The following CTIF variants were observed in gnomAD, a reference collection of about 807,000 sequenced individuals.
CTIF encodes cap binding complex dependent translation initiation factor.
In CTIF, 21 loss-of-function variants were observed where a neutral mutation model predicts 66.0. The ratio of observed to expected loss-of-function variants is 0.32; its 90% CI spans 0.23 to 0.46. CTIF has a LOEUF of 0.46. Ranked by LOEUF, CTIF falls within the 20% of genes least tolerant of loss-of-function variation. The pLI, the probability that CTIF is intolerant of heterozygous loss-of-function variation, is 1.00. For missense variants in CTIF, 739 were observed against 812.7 expected (o/e 0.91, Z 1.10); for synonymous variants, 345 against 326.4 (o/e 1.06, Z -0.62).
At chr18:48,579,586 C>G (rs565668428) in intron 1 of CTIF, among the ~76,000 whole-genome samples, 1 of 152,294 alleles carries the variant, frequency 6.6e-6, no homozygotes, top group East Asian at 1.9e-4. Flanking sequence ...TTTCTTCCCC[C>G]CAAGCCCACA....
intron 1 of CTIF, among the ~76,000 whole-genome samples, chr18:48,585,845 A>C (rs1028218046): frequency 2.0e-5 from 3 of 152,164 alleles, no homozygotes; most frequent in Non-Finnish European, 4.4e-5. Flanking sequence ...CACGCCTGCT[A>C]CTCACAGATG....
At chr18:48,730,511 T>TCC (rs2092439577) in intron 7 of CTIF, among the ~76,000 whole-genome samples, 1 of 55,670 alleles carries the variant, frequency 1.8e-5, no homozygotes, top group African/African-American at 7.6e-5. Context: ...TGTGAGGGGC[T>TCC]TCTGCGGTGT....
chr18:48,589,654 C>T (rs780070699), intron 1 of CTIF, among the ~76,000 whole-genome samples: 1 of 152,174 alleles, frequency 6.6e-6, no homozygotes, highest in Non-Finnish European at 1.5e-5. Context: ...CACACTGGTT[C>T]ACCTTGTGGG....
intron 10 of CTIF, among the ~76,000 whole-genome samples, chr18:48,849,820 G>A (rs956596123): frequency 4.6e-5 from 7 of 152,014 alleles, no homozygotes; most frequent in East Asian, 1.9e-4. Flanking sequence ...TCTTGACATC[G>A]TGATCCACCC....
rs191508928 is a variant in CTIF at position 48,550,099 on chromosome 18, G to C, written c.-29+10787G>C. Among the ~76,000 whole-genome samples the C allele has an allele frequency of 3.7e-3, 568 of 152,292 alleles. 4 individuals are homozygous for C. Among genetic ancestry groups the C allele is most frequent in the Non-Finnish European group, 6.8e-3 (462 of 68,030 alleles). On this transcript the variant is annotated intron_variant, in intron 1 of 11. Coordinates refer to ENST00000256413, the MANE Select transcript of CTIF (RefSeq NM_014772.3). Reference sequence around the variant, plus strand: ...ACTTCTTAAGCCACAGGTAATGCTGGTGCATAGGATCCCAGGTGTTCCATG... The same window carrying C: ...ACTTCTTAAGCCACAGGTAATGCTGCTGCATAGGATCCCAGGTGTTCCATG...
At chr18:48,732,551 A>G (rs2092465771) in intron 7 of CTIF, among the ~76,000 whole-genome samples, 1 of 152,188 alleles carries the variant, frequency 6.6e-6, no homozygotes, top group Non-Finnish European at 1.5e-5. Flanking sequence ...GTCCCCTTCT[A>G]TGGGAGCCAC....
chr18:48,676,805 A>G (rs2091637898), intron 6 of CTIF, among the ~76,000 whole-genome samples: 1 of 151,708 alleles, frequency 6.6e-6, no homozygotes, highest in Non-Finnish European at 1.5e-5. Flanking sequence ...CTGGATGATA[A>G]CAGAGAGATC....
At chr18:48,741,290 C>T (rs2092551913) in intron 7 of CTIF, among the ~76,000 whole-genome samples, 1 of 140,766 alleles carries the variant, frequency 7.1e-6, no homozygotes, top group South Asian at 2.5e-4. Context: ...GCCCCCCCTC[C>T]TTGGTACATG....
At chr18:48,679,522 GCTC>G (rs1175059956) in intron 6 of CTIF, among the ~76,000 whole-genome samples, 4 of 152,170 alleles carry the variant, frequency 2.6e-5, no homozygotes, top group African/African-American at 9.7e-5. Context: ...GCTTTCCCCA[GCTC>G]CTCCTGAGAC....
intron 1 of CTIF, among the ~76,000 whole-genome samples, chr18:48,584,837 C>A (rs1264832514): frequency 6.6e-6 from 1 of 152,254 alleles, no homozygotes; most frequent in Non-Finnish European, 1.5e-5. Flanking sequence ...AGTGTATTAT[C>A]AGTACTTTAC....
At chr18:48,795,229 G>GCCTCATCAGAGCCTCATC (rs1303208469) in intron 9 of CTIF, among the ~76,000 whole-genome samples, 29 of 152,280 alleles carry the variant, frequency 1.9e-4, no homozygotes, top group African/African-American at 6.5e-4. Flanking sequence ...TCAGAGCATG[G>GCCTCATCAGAGCCTCATC]AGGCTGTCAT....
intron 6 of CTIF, among the ~76,000 whole-genome samples, chr18:48,697,756 T>G (rs1280052608): frequency 6.6e-6 from 1 of 152,076 alleles, no homozygotes; most frequent in Non-Finnish European, 1.5e-5. Flanking sequence ...TTGCTGAAGC[T>G]TTTCCTCTGG....
intron 2 of CTIF, among the ~76,000 whole-genome samples, chr18:48,627,841 C>G (rs1009918227): frequency 5.9e-5 from 9 of 151,934 alleles, no homozygotes; most frequent in African/African-American, 1.9e-4. Flanking sequence ...AGAGTGAGGC[C>G]ACCTGGGAAA....
At chr18:48,772,210 G>A (rs1910210980) in intron 9 of CTIF, among the ~76,000 whole-genome samples, 1 of 152,208 alleles carries the variant, frequency 6.6e-6, no homozygotes, top group Non-Finnish European at 1.5e-5. Context: ...ATTATAGCAA[G>A]AAGAGAGCTA....
intron 9 of CTIF, among the ~76,000 whole-genome samples, chr18:48,785,928 C>A (rs74392300): frequency 0.014 from 2,120 of 152,268 alleles, 42 homozygotes; most frequent in African/African-American, 0.049. Context: ...CTGCCCCCAC[C>A]CATTTGGCTG....
chr18:48,701,683 T>G (rs753778333), intron 6 of CTIF, among the ~76,000 whole-genome samples: 1 of 152,216 alleles, frequency 6.6e-6, no homozygotes, highest in Non-Finnish European at 1.5e-5. Context: ...CTTCTAACAC[T>G]TCCCTGTTGG....
intron 3 of CTIF, among the ~76,000 whole-genome samples, chr18:48,655,064 T>C (rs2091222920): frequency 6.6e-6 from 1 of 151,966 alleles, no homozygotes; most frequent in African/African-American, 2.4e-5. Context: ...ATGGCACATG[T>C]ATACCTATAT....
intron 3 of CTIF, among the ~76,000 whole-genome samples, chr18:48,650,094 G>A (rs1003467110): frequency 4.6e-5 from 7 of 152,202 alleles, no homozygotes; most frequent in African/African-American, 9.7e-5. Flanking sequence ...GCAGCTCCTC[G>A]CCAGCAATGG....
chr18:48,601,238 C>T (rs970111331), intron 1 of CTIF, among the ~76,000 whole-genome samples: 4 of 152,204 alleles, frequency 2.6e-5, no homozygotes, highest in South Asian at 2.1e-4. Flanking sequence ...TCCAGCCCGG[C>T]GATTCCAGGC....
Sources: gnomAD v4.1 joint callset for allele counts (sites outside exome capture counted in the v4.1 genomes callset) on GRCh38, gnomAD v4.1.1 for gene constraint, MANE v1.5 for transcripts, NCBI Gene and HGNC (gene_info 2026-07-23, HGNC 2026-07-21) for gene names.